Variants in CSTPP1 observed in about 807,000 individuals in gnomAD.
CSTPP1 encodes centriolar satellite-associated tubulin polyglutamylase complex regulator 1, also known as UPF0705 protein C11orf49.
the CSTPP1 span, among the ~76,000 whole-genome samples, chr11:47,078,410 A>C: frequency 6.6e-6 from 1 of 152,232 alleles, no homozygotes; most frequent in African/African-American, 2.4e-5. Flanking sequence ...TTGAAAACAA[A>C]GGGAGGAGAA....
At chr11:47,135,132 A>G in the CSTPP1 span, among the ~76,000 whole-genome samples, 4 of 151,962 alleles carry the variant, frequency 2.6e-5, no homozygotes, top group Non-Finnish European at 4.4e-5. Context: ...AATTAATTAA[A>G]ATTTAAAATA....
At chr11:47,144,487 G>A in the CSTPP1 span, among the ~76,000 whole-genome samples, 1 of 152,140 alleles carries the variant, frequency 6.6e-6, no homozygotes, top group Non-Finnish European at 1.5e-5. Context: ...ACCACGCCTG[G>A]CCAGTAGTAA....
At chr11:47,161,631 A>G in the CSTPP1 span, 2 of 1,611,552 alleles carry the variant, frequency 1.2e-6, no homozygotes, top group Non-Finnish European at 1.7e-6. Flanking sequence ...GACGAGTCGG[A>G]GACTTGAGGA....
At chr11:46,997,910 G>T in the CSTPP1 span, among the ~76,000 whole-genome samples, 2 of 152,188 alleles carry the variant, frequency 1.3e-5, no homozygotes, top group Admixed American at 1.3e-4. Flanking sequence ...TTGCCTGATC[G>T]TTCCTCTGGA....
the CSTPP1 span, among the ~76,000 whole-genome samples, chr11:46,993,987 C>T: frequency 2.0e-5 from 3 of 152,222 alleles, no homozygotes; most frequent in South Asian, 6.2e-4. Flanking sequence ...TGAAGAGGTC[C>T]TTCACATCCC....
the CSTPP1 span, among the ~76,000 whole-genome samples, chr11:46,963,784 CAAAA>C: frequency 9.5e-6 from 1 of 105,254 alleles, no homozygotes. Flanking sequence ...GACTCTGTAT[CAAAA>C]AAAAAAAAAA....
the CSTPP1 span, among the ~76,000 whole-genome samples, chr11:47,043,818 CCT>C: frequency 6.6e-6 from 1 of 152,018 alleles, no homozygotes; most frequent in Non-Finnish European, 1.5e-5. Flanking sequence ...ATGGCGAAAC[CCT>C]GTCTCTACAA....
chr11:47,158,078 C>T, the CSTPP1 span: 17 of 656,772 alleles, frequency 2.6e-5, no homozygotes, highest in Non-Finnish European at 3.9e-5. Context: ...AGGAATATGG[C>T]GACAAAACAT....
chr11:47,034,903 T>C, the CSTPP1 span, among the ~76,000 whole-genome samples: 1 of 152,224 alleles, frequency 6.6e-6, no homozygotes, highest in African/African-American at 2.4e-5. Flanking sequence ...CAAAACTTTT[T>C]CTAAAATTAT....
At chr11:47,138,747 G>A in the CSTPP1 span, among the ~76,000 whole-genome samples, 1 of 151,988 alleles carries the variant, frequency 6.6e-6, no homozygotes, top group African/African-American at 2.4e-5. Flanking sequence ...GGAGGCCAAG[G>A]CAGGCAGATC....
the CSTPP1 span, among the ~76,000 whole-genome samples, chr11:47,112,313 A>ATTTGTTTG: frequency 5.9e-4 from 89 of 150,878 alleles, no homozygotes; most frequent in African/African-American, 1.3e-3. Flanking sequence ...TATATAGCTT[A>ATTTGTTTG]TTTGTTTGTT....
chr11:47,094,891 A>G, the CSTPP1 span, among the ~76,000 whole-genome samples: 1 of 152,232 alleles, frequency 6.6e-6, no homozygotes, highest in African/African-American at 2.4e-5. Flanking sequence ...TGTAAAGTCC[A>G]TTCTAAGCCT....
chr11:46,992,808 G>A, the CSTPP1 span, among the ~76,000 whole-genome samples: 21 of 152,274 alleles, frequency 1.4e-4, no homozygotes, highest in East Asian at 7.7e-4. Flanking sequence ...TTGAGGAATC[G>A]CCACACTGTC....
At chr11:47,152,460 A>C in the CSTPP1 span, among the ~76,000 whole-genome samples, 1 of 152,238 alleles carries the variant, frequency 6.6e-6, no homozygotes, top group East Asian at 1.9e-4. Flanking sequence ...TATAGCTTCT[A>C]GTCCCATCTG....
chr11:47,014,263 GAAAGAAAGAGA>G, the CSTPP1 span, among the ~76,000 whole-genome samples: 1 of 147,520 alleles, frequency 6.8e-6, no homozygotes, highest in Non-Finnish European at 1.5e-5. Context: ...AGGAAGGAGA[GAAAGAAAGAGA>G]AAAGAAAGGA....
At chr11:47,133,618 G>A in the CSTPP1 span, among the ~76,000 whole-genome samples, 1 of 152,200 alleles carries the variant, frequency 6.6e-6, no homozygotes. Flanking sequence ...TTCAGACTCG[G>A]TTTCTTACAT....
At chr11:46,940,962 G>T in the CSTPP1 span, among the ~76,000 whole-genome samples, 1 of 152,142 alleles carries the variant, frequency 6.6e-6, no homozygotes, top group African/African-American at 2.4e-5. Flanking sequence ...GAAGTTGGTG[G>T]TCTCTTCATA....
At chr11:46,963,784 C>CAAA in the CSTPP1 span, among the ~76,000 whole-genome samples, 60 of 105,290 alleles carry the variant, frequency 5.7e-4, 2 homozygotes, top group African/African-American at 1.6e-3. Context: ...GACTCTGTAT[C>CAAA]AAAAAAAAAA....
the CSTPP1 span, among the ~76,000 whole-genome samples, chr11:46,949,665 A>G: frequency 6.9e-6 from 1 of 144,746 alleles, no homozygotes; most frequent in African/African-American, 2.6e-5. Context: ...GTAAGAGAAA[A>G]TAACTTTTTT....
Sources: allele counts gnomAD v4.1 joint callset (sites outside exome capture counted in the v4.1 genomes callset), GRCh38; gene constraint gnomAD v4.1.1; transcripts MANE v1.5; gene names NCBI Gene and HGNC (gene_info 2026-07-23, HGNC 2026-07-21).